Variants in FGGY observed in about 807,000 individuals in gnomAD.
FGGY encodes the protein FGGY carbohydrate kinase domain containing.
Under a neutral mutation model 71.3 loss-of-function variants are expected in FGGY, and 72 were observed. The observed-to-expected ratio is 1.01, with a 90% CI of 0.84 to 1.23. The LOEUF (loss-of-function observed/expected upper bound fraction) is 1.23. Ranked by LOEUF, FGGY falls within the 50% of genes most tolerant of loss-of-function variation. The pLI, the probability that FGGY is intolerant of heterozygous loss-of-function variation, is 0.00. For synonymous variants in FGGY, 251 were observed against 250.3 expected, an observed-to-expected ratio of 1.00 and a Z score of -0.02; for missense variants, 668 against 682.3, an observed-to-expected ratio of 0.98 and a Z score of 0.23.
chr1:59,699,989 T>C (rs930520595), intron 14 of FGGY, among the ~76,000 whole-genome samples: 3 of 152,246 alleles, frequency 2.0e-5, no homozygotes, highest in African/African-American at 7.2e-5. Flanking sequence ...TTATTTCTTC[T>C]AGCTTCTCAG....
intron 6 of FGGY, among the ~76,000 whole-genome samples, chr1:59,478,527 C>G (rs1327391082): frequency 1.3e-5 from 2 of 152,136 alleles, no homozygotes; most frequent in Non-Finnish European, 2.9e-5. Context: ...ATAGTAGGTA[C>G]TCAATAGATA....
At chr1:59,420,714 T>C (rs2065251657) in intron 5 of FGGY, among the ~76,000 whole-genome samples, 1 of 152,206 alleles carries the variant, frequency 6.6e-6, no homozygotes. Context: ...TCCATATGTT[T>C]CTAATTCTTC....
At chr1:59,515,789 T>G (rs2094630864) in intron 7 of FGGY, among the ~76,000 whole-genome samples, 1 of 152,220 alleles carries the variant, frequency 6.6e-6, no homozygotes, top group Admixed American at 6.5e-5. Flanking sequence ...CCCAGCCGTG[T>G]GGAACTGTAA....
At chr1:59,689,109 C>T (rs970343465) in intron 14 of FGGY, among the ~76,000 whole-genome samples, 1 of 151,338 alleles carries the variant, frequency 6.6e-6, no homozygotes, top group African/African-American at 2.4e-5. Context: ...CAGGAACAGA[C>T]AGTTGGGTTA....
chr1:59,665,644 A>G (rs2097316603), intron 12 of FGGY, among the ~76,000 whole-genome samples: 1 of 150,834 alleles, frequency 6.6e-6, no homozygotes, highest in Non-Finnish European at 1.5e-5. Flanking sequence ...ACGTGAGGTC[A>G]GGGCAGCATC....
intron 6 of FGGY, among the ~76,000 whole-genome samples, chr1:59,488,860 G>A (rs1026174693): frequency 6.6e-6 from 1 of 151,862 alleles, no homozygotes; most frequent in Non-Finnish European, 1.5e-5. Flanking sequence ...AAGGCTCTTG[G>A]TGTATATTGT....
At chr1:59,733,714 A>G (rs1573831354) in intron 14 of FGGY, among the ~76,000 whole-genome samples, 1 of 152,068 alleles carries the variant, frequency 6.6e-6, no homozygotes, top group African/African-American at 2.4e-5. Flanking sequence ...CAGTTACTCC[A>G]TGTCCCTGAA....
intron 1 of FGGY, chr1:59,318,679 T>C (rs1473439516): frequency 2.0e-5 from 3 of 152,204 alleles, no homozygotes; most frequent in African/African-American, 7.2e-5. Context: ...CTGGCTGGAG[T>C]AGAGACAAGT....
chr1:59,705,148 C>T (rs752575378), intron 14 of FGGY, among the ~76,000 whole-genome samples: 1 of 152,108 alleles, frequency 6.6e-6, no homozygotes, highest in Non-Finnish European at 1.5e-5. Flanking sequence ...TTTATCTGCT[C>T]TACATACCAA....
intron 8 of FGGY, among the ~76,000 whole-genome samples, chr1:59,567,722 A>C (rs1010417744): frequency 3.3e-5 from 5 of 151,692 alleles, no homozygotes; most frequent in Non-Finnish European, 5.9e-5. Flanking sequence ...ATATGTGTGC[A>C]TTCTTCTGTG....
chr1:59,493,558 C>T (rs1355380850), intron 6 of FGGY, among the ~76,000 whole-genome samples: 1 of 151,970 alleles, frequency 6.6e-6, no homozygotes, highest in Non-Finnish European at 1.5e-5. Context: ...ACTGTATGAT[C>T]CTTCTTATAT....
intron 4 of FGGY, among the ~76,000 whole-genome samples, chr1:59,373,152 T>C (rs1176557539): frequency 2.0e-5 from 3 of 152,076 alleles, no homozygotes; most frequent in Non-Finnish European, 2.9e-5. Flanking sequence ...ATTGTGTATC[T>C]AGAAAACCCC....
intron 5 of FGGY, among the ~76,000 whole-genome samples, chr1:59,452,427 T>G (rs1473386553): frequency 6.6e-6 from 1 of 152,160 alleles, no homozygotes; most frequent in Non-Finnish European, 1.5e-5. Flanking sequence ...GTAAAATCAG[T>G]ATTTATACTT....
At chr1:59,455,908 T>C (rs6587855) in intron 5 of FGGY, among the ~76,000 whole-genome samples, 146,182 of 152,318 alleles carry the variant, frequency 0.96, 70,165 homozygotes, top group East Asian at 0.98. Context: ...CAGAGAACTG[T>C]AAGTAACTTT....
intron 4 of FGGY, among the ~76,000 whole-genome samples, chr1:59,361,987 C>A (rs1441393869): frequency 6.6e-6 from 1 of 152,170 alleles, no homozygotes; most frequent in African/African-American, 2.4e-5. Context: ...TGACTTCATT[C>A]ATCCACAGGA....
At chr1:59,377,474 A>G (rs186610303) in intron 4 of FGGY, among the ~76,000 whole-genome samples, 1 of 152,234 alleles carries the variant, frequency 6.6e-6, no homozygotes, top group Non-Finnish European at 1.5e-5. Context: ...GTGAGAACTC[A>G]CTCGCTATCA....
chr1:59,567,322 T>A (rs561064511), intron 8 of FGGY, among the ~76,000 whole-genome samples: 13 of 151,902 alleles, frequency 8.6e-5, no homozygotes, highest in South Asian at 2.1e-4. Flanking sequence ...AGGCCAAAAA[T>A]ATATATATAT....
chr1:59,399,451 G>A (rs1161266978), intron 5 of FGGY, among the ~76,000 whole-genome samples: 4 of 152,128 alleles, frequency 2.6e-5, no homozygotes, highest in Non-Finnish European at 5.9e-5. Flanking sequence ...GTAAGGTTTA[G>A]AGAAGTTAAG....
intron 6 of FGGY, among the ~76,000 whole-genome samples, chr1:59,510,068 G>C (rs1407293531): frequency 1.4e-5 from 2 of 140,316 alleles, no homozygotes; most frequent in Non-Finnish European, 3.1e-5. Context: ...CATACATAAT[G>C]CTTGTTCTAA....
Sources: allele counts gnomAD v4.1 joint callset (sites outside exome capture counted in the v4.1 genomes callset), GRCh38; gene constraint gnomAD v4.1.1; transcripts MANE v1.5; gene names NCBI Gene and HGNC (gene_info 2026-07-23, HGNC 2026-07-21).